The following LSAMP variants were observed in gnomAD, a reference collection of about 807,000 sequenced individuals.
LSAMP encodes limbic system-associated membrane protein.
LSAMP carries 7 observed loss-of-function variants against 38.6 expected under a neutral mutation model. The ratio of observed to expected loss-of-function variants is 0.18; its 90% CI spans 0.10 to 0.34. The LOEUF (loss-of-function observed/expected upper bound fraction) is 0.34, where lower values mean the gene tolerates loss of function less well. Among genes scored for constraint, LSAMP ranks in the 10% least tolerant of loss-of-function variants. The pLI is 1.00. For synonymous variants in LSAMP, 154 were observed against 166.8 expected, an observed-to-expected ratio of 0.92 and a Z score of 0.59; for missense variants, 313 against 420.0, an observed-to-expected ratio of 0.75 and a Z score of 2.23.
At chr3:116,290,662 G>A (rs965322525) in intron 1 of LSAMP, among the ~76,000 whole-genome samples, 2 of 151,378 alleles carry the variant, frequency 1.3e-5, no homozygotes, top group African/African-American at 2.4e-5. Flanking sequence ...CCTGCGAGGC[G>A]GAGGTTGCAG....
chr3:116,071,719 C>A (rs1448955453), intron 2 of LSAMP, among the ~76,000 whole-genome samples: 2 of 152,162 alleles, frequency 1.3e-5, no homozygotes, highest in Admixed American at 1.3e-4. Context: ...GCTCAGCATC[C>A]ATTAGCTATT....
At chr3:116,188,950 G>A (rs1407087569) in intron 1 of LSAMP, among the ~76,000 whole-genome samples, 1 of 152,182 alleles carries the variant, frequency 6.6e-6, no homozygotes, top group Non-Finnish European at 1.5e-5. Flanking sequence ...GTATTGATCA[G>A]TCATGCATTT....
chr3:115,948,126 A>T lies in LSAMP; in HGVS notation c.514+71389T>A, dbSNP rs141280968. ...AATCTCTTCTGAATAAGGTCTAAAT[A>T]ATATACATGCCCTAGTCGAAATGAT... On this transcript the variant is annotated intron_variant, in intron 3 of 6. Transcript: ENST00000490035. Among the ~76,000 whole-genome samples, 234 of 152,346 alleles carry T rather than the reference A, an allele frequency of 1.5e-3. 1 individual carries two copies. Among genetic ancestry groups the T allele is most frequent in the Middle Eastern group, 6.8e-3 (2 of 294 alleles).
At chr3:116,062,632 GT>G (rs1466205248) in intron 2 of LSAMP, among the ~76,000 whole-genome samples, 1 of 152,128 alleles carries the variant, frequency 6.6e-6, no homozygotes, top group Non-Finnish European at 1.5e-5. Context: ...ATCTGTGCCA[GT>G]TATGTAACAG....
intron 1 of LSAMP, among the ~76,000 whole-genome samples, chr3:116,366,747 C>T (rs2107785620): frequency 6.6e-6 from 1 of 152,238 alleles, no homozygotes; most frequent in African/African-American, 2.4e-5. Context: ...GGTCGTCATC[C>T]TCTCTGCTTT....
At chr3:116,006,843 A>G (rs1940174333) in intron 3 of LSAMP, among the ~76,000 whole-genome samples, 1 of 152,206 alleles carries the variant, frequency 6.6e-6, no homozygotes, top group Non-Finnish European at 1.5e-5. Context: ...TGTTTTGAAA[A>G]ATATAAAATG....
chr3:115,839,736 A>G (rs1227871294), intron 6 of LSAMP, among the ~76,000 whole-genome samples: 1 of 152,204 alleles, frequency 6.6e-6, no homozygotes, highest in Non-Finnish European at 1.5e-5. Context: ...GGTAGTGCCT[A>G]TGTGGGACCA....
At chr3:116,341,445 A>T (rs1464917804) in intron 1 of LSAMP, among the ~76,000 whole-genome samples, 1 of 151,988 alleles carries the variant, frequency 6.6e-6, no homozygotes, top group African/African-American at 2.4e-5. Flanking sequence ...ATAAGTGAAG[A>T]TGTATGGCAG....
intron 1 of LSAMP, among the ~76,000 whole-genome samples, chr3:116,183,419 A>G (rs1334188685): frequency 6.6e-6 from 1 of 151,894 alleles, no homozygotes; most frequent in African/African-American, 2.4e-5. Context: ...AGGATAGTGT[A>G]TCAGGTAAGA....
intron 3 of LSAMP, among the ~76,000 whole-genome samples, chr3:115,891,600 G>T (rs1332874517): frequency 6.6e-6 from 1 of 151,940 alleles, no homozygotes; most frequent in Non-Finnish European, 1.5e-5. Context: ...TATATGGCAG[G>T]GTTCAAGCAA....
intron 3 of LSAMP, among the ~76,000 whole-genome samples, chr3:116,011,655 G>A (rs1241432440): frequency 1.3e-5 from 2 of 152,148 alleles, no homozygotes; most frequent in Admixed American, 6.5e-5. Flanking sequence ...CAGGTGAGAG[G>A]AAATATTGGC....
intron 3 of LSAMP, among the ~76,000 whole-genome samples, chr3:115,875,042 C>A (rs184284647): frequency 6.6e-6 from 1 of 152,000 alleles, no homozygotes; most frequent in Non-Finnish European, 1.5e-5. Context: ...GAGAGAACAT[C>A]GTTTCTTTTA....
chr3:116,076,267 T>C (rs1051459787), intron 2 of LSAMP, among the ~76,000 whole-genome samples: 1 of 152,164 alleles, frequency 6.6e-6, no homozygotes, highest in Non-Finnish European at 1.5e-5. Context: ...ACTTTTTTTT[T>C]TTTAATTTGA....
intron 2 of LSAMP, among the ~76,000 whole-genome samples, chr3:116,063,203 G>A (rs918472340): frequency 1.3e-5 from 2 of 152,056 alleles, no homozygotes; most frequent in Non-Finnish European, 2.9e-5. Flanking sequence ...TATTTATGGT[G>A]TCTTGATCTT....
At chr3:115,815,151 G>C (rs926211956) in intron 6 of LSAMP, among the ~76,000 whole-genome samples, 1 of 152,138 alleles carries the variant, frequency 6.6e-6, no homozygotes, top group Non-Finnish European at 1.5e-5. Flanking sequence ...GAGAGAGAGA[G>C]AGAAAGAGAA....
intron 1 of LSAMP, among the ~76,000 whole-genome samples, chr3:116,121,281 C>T (rs554014639): frequency 2.8e-4 from 42 of 152,286 alleles, no homozygotes; most frequent in African/African-American, 9.6e-4. Flanking sequence ...ATATTAGGCC[C>T]AGAAACAAGT....
intron 1 of LSAMP, among the ~76,000 whole-genome samples, chr3:116,232,456 C>T (rs979536086): frequency 4.6e-5 from 7 of 152,182 alleles, no homozygotes; most frequent in Non-Finnish European, 1.0e-4. Flanking sequence ...AAAGTCCCAT[C>T]AACCTAAGAT....
chr3:115,900,998 C>T (rs1936859740), intron 3 of LSAMP, among the ~76,000 whole-genome samples: 1 of 152,104 alleles, frequency 6.6e-6, no homozygotes. Flanking sequence ...TCATTTCCTC[C>T]ACCAACACAT....
chr3:116,372,248 G>A (rs1269204433), intron 1 of LSAMP, among the ~76,000 whole-genome samples: 1 of 151,940 alleles, frequency 6.6e-6, no homozygotes, highest in Non-Finnish European at 1.5e-5. Flanking sequence ...AAAATACAGA[G>A]CCCCAAAATA....
Sources: allele counts gnomAD v4.1 joint callset (sites outside exome capture counted in the v4.1 genomes callset), GRCh38; gene constraint gnomAD v4.1.1; transcripts MANE v1.5; gene names NCBI Gene and HGNC (gene_info 2026-07-23, HGNC 2026-07-21).